Variants in NSMCE2 observed in about 807,000 individuals in gnomAD.
NSMCE2 encodes the protein E3 SUMO-protein ligase NSE2.
NSMCE2 carries 24 observed loss-of-function variants against 23.8 expected under a neutral mutation model. The observed-to-expected ratio is 1.01, with a 90% CI of 0.73 to 1.42. The LOEUF (loss-of-function observed/expected upper bound fraction) is 1.42, where lower values mean the gene tolerates loss of function less well. NSMCE2 is among the 40% of genes most tolerant of loss of function. NSMCE2 has a pLI of 0.00. For synonymous variants in NSMCE2, 92 were observed against 94.1 expected, an observed-to-expected ratio of 0.98 and a Z score of 0.13; for missense variants, 284 against 296.5, an observed-to-expected ratio of 0.96 and a Z score of 0.31.
chr8:125,305,482 C>T (rs1411247279), intron 5 of NSMCE2, among the ~76,000 whole-genome samples: 4 of 152,120 alleles, frequency 2.6e-5, no homozygotes, highest in South Asian at 2.1e-4. Flanking sequence ...GTTCTGGAAG[C>T]GTTAAACTGT....
intron 5 of NSMCE2, among the ~76,000 whole-genome samples, chr8:125,312,384 G>T (rs187157098): frequency 3.9e-5 from 6 of 152,226 alleles, no homozygotes; most frequent in African/African-American, 1.2e-4. Context: ...TCAGCACTTT[G>T]GGAGGCTGAG....
At chr8:125,250,521 C>A (rs765170042) in intron 5 of NSMCE2, among the ~76,000 whole-genome samples, 3 of 152,102 alleles carry the variant, frequency 2.0e-5, no homozygotes, top group Non-Finnish European at 4.4e-5. Flanking sequence ...TAAAAACAAC[C>A]TGCTTTTACT....
chr8:125,293,977 C>T (rs1828222017), intron 5 of NSMCE2, among the ~76,000 whole-genome samples: 1 of 152,106 alleles, frequency 6.6e-6, no homozygotes, highest in African/African-American at 2.4e-5. Flanking sequence ...CTATTTTCTC[C>T]CAAGTTCCCC....
In NSMCE2 at chr8:125,357,223, T is replaced by C. The variant is rs1323137400; in HGVS notation, c.423T>C (p.Gly141=). ...QQLKELKKQC[G]LQADREADGT... is the part of the protein sequence containing the mutation. Reference sequence around the variant, plus strand: ...CAACTCTCCATTTTCCTCTAGGTGGTCTTCAAGCTGACAGAGAAGCTGACG... The same window carrying C: ...CAACTCTCCATTTTCCTCTAGGTGGCCTTCAAGCTGACAGAGAAGCTGACG... The change falls in exon 6 of 8, where the codon GGT becomes GGC. Residue 141 remains glycine (G), a synonymous_variant. Coordinates refer to ENST00000287437, the MANE Select transcript of NSMCE2 (RefSeq NM_173685.4). 1 of 1,606,198 alleles carries C rather than the reference T, an allele frequency of 6.2e-7. No individual in the cohort carries two copies. Among genetic ancestry groups the C allele is most frequent in the South Asian group, 1.1e-5 (1 of 90,880 alleles).
chr8:125,138,552 C>G (rs1387623447), intron 3 of NSMCE2, among the ~76,000 whole-genome samples: 3 of 151,960 alleles, frequency 2.0e-5, no homozygotes, highest in Admixed American at 2.0e-4. Flanking sequence ...TTTTAATTGA[C>G]AAGACCAGTG....
At chr8:125,168,008 C>T (rs1821982872) in intron 4 of NSMCE2, among the ~76,000 whole-genome samples, 1 of 152,174 alleles carries the variant, frequency 6.6e-6, no homozygotes, top group African/African-American at 2.4e-5. Flanking sequence ...TCTCCTTAAT[C>T]ATACAGTTCG....
At chr8:125,209,571 A>G (rs1332744712) in intron 5 of NSMCE2, among the ~76,000 whole-genome samples, 1 of 152,220 alleles carries the variant, frequency 6.6e-6, no homozygotes, top group Non-Finnish European at 1.5e-5. Flanking sequence ...AACTATATAT[A>G]ATTAGTAATA....
At chr8:125,312,092 A>AG in intron 5 of NSMCE2, among the ~76,000 whole-genome samples, 1 of 146,960 alleles carries the variant, frequency 6.8e-6, no homozygotes, top group Non-Finnish European at 1.5e-5. Context: ...AAAAAAAAAA[A>AG]AGAAAGAAAA....
At chr8:125,113,731 CA>C (rs1818872847) in intron 3 of NSMCE2, among the ~76,000 whole-genome samples, 2 of 152,314 alleles carry the variant, frequency 1.3e-5, no homozygotes, top group South Asian at 4.1e-4. Flanking sequence ...CCTTTCTCAT[CA>C]GCAGGATCCA....
chr8:125,202,536 T>C (rs910219580), intron 5 of NSMCE2, among the ~76,000 whole-genome samples: 1 of 152,206 alleles, frequency 6.6e-6, no homozygotes, highest in African/African-American at 2.4e-5. Context: ...TCAATGAAAT[T>C]ATATTTTTAT....
At chr8:125,356,549 G>A (rs1332649283) in intron 5 of NSMCE2, among the ~76,000 whole-genome samples, 1 of 151,934 alleles carries the variant, frequency 6.6e-6, no homozygotes, top group Non-Finnish European at 1.5e-5. Flanking sequence ...GGATGGTCTC[G>A]ATCTCTTGAC....
intron 1 of NSMCE2, among the ~76,000 whole-genome samples, chr8:125,095,618 G>A (rs1401215527): frequency 6.6e-6 from 1 of 151,894 alleles, no homozygotes; most frequent in African/African-American, 2.4e-5. Context: ...ACCGAGGCCA[G>A]GGGCAGTGGC....
At chr8:125,258,580 G>C (rs529025180) in intron 5 of NSMCE2, among the ~76,000 whole-genome samples, 1 of 152,322 alleles carries the variant, frequency 6.6e-6, no homozygotes, top group South Asian at 2.1e-4. Flanking sequence ...GGAGCATTCT[G>C]TGTGCAACTG....
At chr8:125,323,842 T>TA (rs1361957082) in intron 5 of NSMCE2, among the ~76,000 whole-genome samples, 1 of 152,200 alleles carries the variant, frequency 6.6e-6, no homozygotes, top group Non-Finnish European at 1.5e-5. Context: ...CTTCAAGAGA[T>TA]ACTCTTAGGA....
intron 5 of NSMCE2, among the ~76,000 whole-genome samples, chr8:125,289,017 C>T (rs575075843): frequency 4.6e-5 from 7 of 152,092 alleles, no homozygotes; most frequent in Middle Eastern, 3.2e-3. Context: ...GTCTCAAACT[C>T]CTGAGCTCAA....
chr8:125,238,966 C>T (rs374950730), intron 5 of NSMCE2, among the ~76,000 whole-genome samples: 9 of 152,018 alleles, frequency 5.9e-5, no homozygotes, highest in South Asian at 4.1e-4. Flanking sequence ...GATATGGGGC[C>T]GAATTGTTAT....
intron 3 of NSMCE2, among the ~76,000 whole-genome samples, chr8:125,148,238 G>A (rs888977174): frequency 2.6e-5 from 4 of 152,122 alleles, no homozygotes; most frequent in Non-Finnish European, 5.9e-5. Context: ...CTTTCCTTAA[G>A]CTTCATGCCA....
At chr8:125,350,748 G>T (rs1328130014) in intron 5 of NSMCE2, among the ~76,000 whole-genome samples, 1 of 152,202 alleles carries the variant, frequency 6.6e-6, no homozygotes, top group East Asian at 1.9e-4. Context: ...CTGCCCCCAT[G>T]ATTCAGTTGC....
At chr8:125,153,192 G>C (rs958173437) in intron 4 of NSMCE2, among the ~76,000 whole-genome samples, 3 of 151,704 alleles carry the variant, frequency 2.0e-5, no homozygotes, top group African/African-American at 7.3e-5. Context: ...TCATCTTGAG[G>C]TTTCATCTCA....
Sources: gnomAD v4.1 joint callset for allele counts (sites outside exome capture counted in the v4.1 genomes callset) on GRCh38, gnomAD v4.1.1 for gene constraint, MANE v1.5 for transcripts, NCBI Gene and HGNC (gene_info 2026-07-23, HGNC 2026-07-21) for gene names.